Variants in PSMD2 observed in about 807,000 individuals in gnomAD.
PSMD2 encodes 26S proteasome non-ATPase regulatory subunit 2.
A neutral mutation model predicts 101.5 loss-of-function variants in PSMD2; 8 were observed. The ratio of observed to expected loss-of-function variants is 0.08; its 90% CI spans 0.05 to 0.14. The LOEUF (loss-of-function observed/expected upper bound fraction) is 0.14, where lower values mean the gene tolerates loss of function less well. Ranked by LOEUF, PSMD2 falls within the 10% of genes least tolerant of loss-of-function variation. PSMD2 has a pLI of 1.00. For synonymous variants in PSMD2, 418 were observed against 433.8 expected (o/e 0.96, Z 0.45); for missense variants, 784 against 1,147.4 (o/e 0.68, Z 4.58).
chr3:184,306,281 C>T (rs1249858812), intron 14 of PSMD2, 69 bp from the exon 15 acceptor site: 7 of 1,593,440 alleles, frequency 4.4e-6, no homozygotes, highest in African/African-American at 4.1e-5. Flanking sequence ...TTAGACTTCT[C>T]CTGTTTTCCA....
chr3:184,308,402 G>A lies in PSMD2; in HGVS notation c.2426-47G>A, dbSNP rs1392914350. On this transcript the variant is annotated intron_variant, in intron 19 of 20. Coordinates refer to ENST00000310118, the MANE Select transcript of PSMD2 (RefSeq NM_002808.5). This position sits in a 1 kb window ranked among gnomAD's most constrained non-coding sequence, Gnocchi z 6.0. ...GTGGGCTCTCAATGTTTCTGGCCAG[G>A]CCTGTCTTTTTGTCTCTTAACTTTT... 1 of 1,469,180 alleles carries A rather than the reference G, an allele frequency of 6.8e-7. No individual in the cohort carries two copies. The highest frequency in any genetic ancestry group is 1.4e-5 in the African/African-American group (1 of 71,720). The allele number at this position is 1,469,180 out of a possible 1,614,324, so 91.0% of individuals were successfully genotyped here. A position where few individuals can be genotyped will look rare whatever the true frequency, so the allele number is the denominator to read the frequency against.
rs1721764125 is a variant in PSMD2, at chr3:184,304,534, C to T, written c.1539+143C>T. On this transcript the variant is annotated intron_variant, in intron 12 of 20. Transcript: ENST00000310118. The surrounding 1 kb of genome is among the most constrained non-coding windows in gnomAD (Gnocchi z 4.1). ...TGTTGGTGTGTATTGAGGGGCGTCACCTCAGTGAAACCCCTTGATCTGGGA... is the reference window on the plus strand; with the variant it reads ...TGTTGGTGTGTATTGAGGGGCGTCATCTCAGTGAAACCCCTTGATCTGGGA... The T allele has an allele frequency of 4.9e-6, 4 of 817,346 alleles. No individual in the cohort carries two copies. The highest frequency in any genetic ancestry group is 2.5e-5 in the East Asian group (1 of 39,442). The allele number at this position is 817,346 out of a possible 1,614,324, so 50.6% of individuals were successfully genotyped here.
At chr3:184,305,205 AG>A (rs1721788789) in intron 12 of PSMD2, among the ~76,000 whole-genome samples, 1 of 152,136 alleles carries the variant, frequency 6.6e-6, no homozygotes, top group Non-Finnish European at 1.5e-5. Context: ...CATCCATAAA[AG>A]GGGATAACAG....
Position 184,308,976 on chromosome 3 carries a change from C to T in PSMD2, c.*86C>T, listed in dbSNP as rs1049459. On this transcript the variant is annotated 3_prime_UTR_variant, in exon 21 of 21. Coordinates refer to ENST00000310118, the MANE Select transcript of PSMD2 (RefSeq NM_002808.5). The surrounding 1 kb of genome is among the most constrained non-coding windows in gnomAD (Gnocchi z 6.0). ...CAAGGGTGGACACGGCTGCAGACTTCTGGGGGAATTGTCGCCTCCTGCTCT... is the reference window on the plus strand; with the variant it reads ...CAAGGGTGGACACGGCTGCAGACTTTTGGGGGAATTGTCGCCTCCTGCTCT... The T allele has an allele frequency of 1.6e-5, 22 of 1,393,052 alleles. No homozygotes were observed. Among genetic ancestry groups the T allele is most frequent in the Middle Eastern group, 2.6e-4 (1 of 3,832 alleles). The allele number at this position is 1,393,052 out of a possible 1,614,324, so 86.3% of individuals were successfully genotyped here.
chr3:184,306,737 C>CG lies in PSMD2; in HGVS notation c.1951-14_1951-13insG. The CG allele has an allele frequency of 3.7e-6, 6 of 1,611,138 alleles. No individual in the cohort carries two copies. The highest frequency in any genetic ancestry group is 5.1e-6 in the Non-Finnish European group (6 of 1,178,208). On this transcript the variant is annotated splice_polypyrimidine_tract_variant and intron_variant, in intron 15 of 20. Transcript: ENST00000310118. ...CCTTGAGCTTAATGGGTTCTGCTCTCTCTTCAATTGCAGGGAGTGGCTGTT... is the reference window on the plus strand; with the variant it reads ...CCTTGAGCTTAATGGGTTCTGCTCTCGTCTTCAATTGCAGGGAGTGGCTGTT...
intron 3 of PSMD2, 53 bp from the exon 4 acceptor site, chr3:184,301,484 T>G: frequency 6.2e-7 from 1 of 1,602,430 alleles, no homozygotes; most frequent in East Asian, 2.2e-5. Context: ...CAATGCATGC[T>G]CCCTTTATGC....
At chr3:184,300,549 C>T (rs1577155089) in intron 3 of PSMD2, 105 bp downstream of exon 3, 40 of 1,483,706 alleles carry the variant, frequency 2.7e-5, no homozygotes, top group Non-Finnish European at 3.3e-5. Flanking sequence ...AGACCTAAGC[C>T]GTGATCTATT....
At position 184,307,633 on chromosome 3, in the gene PSMD2, G is replaced by A; in HGVS notation, c.2223G>A (p.Leu741=). 6.2e-7 allele frequency: 1 copy of A among 1,614,096 alleles called. No homozygotes were observed. Among genetic ancestry groups the A allele is most frequent in the Non-Finnish European group, 8.5e-7 (1 of 1,180,032 alleles). Residue 741 remains leucine, a synonymous_variant, in exon 18 of 21, where the codon CTG becomes CTA. Coordinates refer to ENST00000310118, the MANE Select transcript of PSMD2 (RefSeq NM_002808.5). ...TTCCAGGTACCAATAATGCCCGTCT[G>A]GCTGCAATGCTGCGCCAGTTAGCTC... ...MVGSGTNNAR[L]AAMLRQLAQY...
rs1721742087 is a variant in PSMD2 at position 184,304,109 on chromosome 3, A to T, written c.1451+35A>T. On this transcript the variant is annotated intron_variant, in intron 11 of 20. Transcript: ENST00000310118. The surrounding 1 kb of genome is among the most constrained non-coding windows in gnomAD (Gnocchi z 4.1). ...CTCGCTTGTCTTTCTGGTAGTGCTC[A>T]GCCTGTACACTCTGGAGAACAGGAA... 25 of 1,612,390 alleles carry T rather than the reference A, an allele frequency of 1.6e-5. No individual in the cohort carries two copies. Among genetic ancestry groups the T allele is most frequent in the Non-Finnish European group, 2.1e-5 (25 of 1,179,046 alleles).
Position 184,308,100 on chromosome 3 carries a change from C to A in PSMD2, c.2425+84C>A. The stretch of plus-strand genomic sequence containing the variant: ...CAGGGCCACTTTGATAATTTAGGTT[C>A]AAGACCCCAGTTTAGCTCTGTATCG... On this transcript the variant is annotated intron_variant, in intron 19 of 20. Transcript: ENST00000310118. The surrounding 1 kb of genome is among the most constrained non-coding windows in gnomAD (Gnocchi z 6.0). 2.6e-6 allele frequency: 4 copies of A among 1,549,432 alleles called. No homozygotes were observed. Among genetic ancestry groups the A allele is most frequent in the Non-Finnish European group, 3.5e-6 (4 of 1,142,718 alleles).
Position 184,308,339 on chromosome 3 carries a change from C to G in PSMD2, c.2426-110C>G. 1.1e-6 allele frequency: 1 copy of G among 919,682 alleles called. No individual in the cohort carries two copies. Among genetic ancestry groups the G allele is most frequent in the Non-Finnish European group, 1.7e-6 (1 of 601,432 alleles). The allele number at this position is 919,682 out of a possible 1,614,324, so 57.0% of individuals were successfully genotyped here. ...GTGTATGAGGGGAGGAGTGTGGATT[C>G]AGTCGTATGACTGACGGGTTAAAGG... is the stretch of plus-strand genomic sequence containing the variant. On this transcript the variant is annotated intron_variant, in intron 19 of 20. Transcript: ENST00000310118. This position sits in a 1 kb window ranked among gnomAD's most constrained non-coding sequence, Gnocchi z 6.0.
In PSMD2 at chr3:184,299,308, G is replaced by A; in HGVS notation, c.42G>A (p.Gln14=). 1 of 1,405,414 alleles carries A rather than the reference G, an allele frequency of 7.1e-7. No individual in the cohort carries two copies. The highest frequency in any genetic ancestry group is 2.5e-4 in the Middle Eastern group (1 of 3,956). The allele number at this position is 1,405,414 out of a possible 1,614,324, so 87.1% of individuals were successfully genotyped here. The change falls in exon 1 of 21, where the codon CAG becomes CAA. Residue 14 remains glutamine (Q), a synonymous_variant. Transcript: ENST00000310118. ...GGGACAAGGCGCCGGTGCAGCCCCA[G>A]CAGTCTCCAGCGGCGGCCCCCGGCG... ...GGRDKAPVQP[Q]QSPAAAPGGT...
At chr3:184,302,941 G>A (rs1187379191) in intron 7 of PSMD2, 61 bp from the exon 8 acceptor site, 2 of 1,610,514 alleles carry the variant, frequency 1.2e-6, no homozygotes, top group Non-Finnish European at 1.7e-6. Context: ...CAGTGGGATA[G>A]CAGAAGGGAC....
chr3:184,299,734 TTG>T (rs1446602765), intron 1 of PSMD2, 115 bp from the exon 2 acceptor site: 2 of 848,272 alleles, frequency 2.4e-6, no homozygotes, highest in Non-Finnish European at 3.9e-6. Context: ...CTCGGTTTCC[TTG>T]TCCACCTGGC....
intron 3 of PSMD2, among the ~76,000 whole-genome samples, chr3:184,301,097 G>A (rs936924685): frequency 6.6e-6 from 1 of 151,848 alleles, no homozygotes; most frequent in Non-Finnish European, 1.5e-5. Context: ...TTGGGAGGCC[G>A]AGGGGTGGAT....
At position 184,305,808 on chromosome 3, in the gene PSMD2, T is replaced by C; in HGVS notation, c.1580T>C (p.Val527Ala). ...VTALACGMIA[V>A]GSCNGDVTST... ...GCTTTAGCCTGTGGAATGATAGCAG[T>C]AGGGTCCTGCAATGGAGATGTAACT... is the stretch of plus-strand genomic sequence containing the variant. The change falls in exon 13 of 21, where the codon GTA becomes GCA. Residue 527 changes from valine (V) to alanine (A), a missense_variant. Coordinates refer to ENST00000310118, the MANE Select transcript of PSMD2 (RefSeq NM_002808.5). 1 of 1,614,176 alleles carries C rather than the reference T, an allele frequency of 6.2e-7. No homozygotes were observed. Among genetic ancestry groups the C allele is most frequent in the Non-Finnish European group, 8.5e-7 (1 of 1,180,042 alleles).
intron 4 of PSMD2, 47 bp from the exon 5 acceptor site, chr3:184,301,800 G>C (rs768822685): frequency 6.2e-7 from 1 of 1,612,638 alleles, no homozygotes; most frequent in Admixed American, 1.7e-5. Flanking sequence ...ACAGAGAAGT[G>C]CTTCCCCTGA....
chr3:184,306,338 A>G lies in PSMD2; in HGVS notation c.1805-12A>G. 6.2e-7 allele frequency: 1 copy of G among 1,611,698 alleles called. No homozygotes were observed. The highest frequency in any genetic ancestry group is 8.5e-7 in the Non-Finnish European group (1 of 1,179,182). On this transcript the variant is annotated splice_polypyrimidine_tract_variant and intron_variant, in intron 14 of 20. Coordinates refer to ENST00000310118, the MANE Select transcript of PSMD2 (RefSeq NM_002808.5). ...TCATTTCTGTCCATTCTCCCTCACC[A>G]CCCTGACGCAGGCTCTGGGAATGTG...
intron 2 of PSMD2, 70 bp downstream of exon 2, chr3:184,299,977 G>A: frequency 7.2e-7 from 1 of 1,384,940 alleles, no homozygotes; most frequent in Non-Finnish European, 1.0e-6. Flanking sequence ...CTTTTTTGAG[G>A]CAACTGCTAT....
Sources: allele counts gnomAD v4.1 joint callset (sites outside exome capture counted in the v4.1 genomes callset), GRCh38; gene constraint gnomAD v4.1.1; non-coding constraint Gnocchi (gnomAD v3.1); transcripts MANE v1.5; gene names NCBI Gene and HGNC (gene_info 2026-07-23, HGNC 2026-07-21).